BRWD1: variants seen among roughly 807,000 people sequenced by gnomAD.
BRWD1 encodes the protein bromodomain and WD repeat domain containing 1.
A neutral mutation model predicts 251.2 loss-of-function variants in BRWD1; 82 were observed. The ratio of observed to expected loss-of-function variants is 0.33; its 90% CI spans 0.27 to 0.39. BRWD1 has a LOEUF of 0.39. BRWD1 is among the 10% of genes least tolerant of loss of function. The pLI, the probability that BRWD1 is intolerant of heterozygous loss-of-function variation, is 1.00. For missense variants in BRWD1, 2,233 were observed against 2,711.6 expected (o/e 0.82, Z 3.92); for synonymous variants, 918 against 902.8 (o/e 1.02, Z -0.30).
In BRWD1 at chr21:39,229,210, A is replaced by T; in HGVS notation, c.3125+102T>A. 3 of 1,049,826 alleles carry T rather than the reference A, an allele frequency of 2.9e-6. 1 individual carries two copies. The highest frequency in any genetic ancestry group is 4.2e-6 in the Non-Finnish European group (3 of 714,902). The allele number at this position is 1,049,826 out of a possible 1,614,324, so 65.0% of individuals were successfully genotyped here. On this transcript the variant is annotated intron_variant, in intron 26 of 40. Coordinates refer to ENST00000342449, the MANE Select transcript of BRWD1 (RefSeq NM_033656.4). ...CATCTTAGGCTATCCACAGTGCTCT[A>T]CCAGTTACCCTGGAGTTAAATGGGA...
upstream of BRWD1, among the ~76,000 whole-genome samples, chr21:39,316,108 A>G (rs1166534712): frequency 6.6e-6 from 1 of 152,208 alleles, no homozygotes; most frequent in Non-Finnish European, 1.5e-5. Context: ...TTTCTATTTT[A>G]GGATGGATTT....
intron 4 of BRWD1, among the ~76,000 whole-genome samples, chr21:39,307,413 A>G (rs1390383781): frequency 2.0e-5 from 3 of 152,192 alleles, no homozygotes; most frequent in African/African-American, 7.2e-5. Flanking sequence ...CAGAATATGT[A>G]CTTGTATGAA....
chr21:39,253,421 A>G (rs543681067), intron 19 of BRWD1, among the ~76,000 whole-genome samples: 3 of 152,054 alleles, frequency 2.0e-5, no homozygotes, highest in East Asian at 3.9e-4. Flanking sequence ...CTTCCTTCGG[A>G]TAAGAAAATA....
upstream of BRWD1, chr21:39,314,418 G>A (rs1235438641): frequency 4.5e-6 from 2 of 440,894 alleles, no homozygotes; most frequent in Admixed American, 4.9e-5. Context: ...ATCCAAGCAT[G>A]GACAGGAAAA....
chr21:39,196,778 A>G lies in BRWD1; in HGVS notation c.6291T>C (p.Asn2097=), dbSNP rs1242086559. Residue 2097 remains asparagine, a synonymous_variant, in exon 41 of 41, where the codon AAT becomes AAC. Coordinates refer to ENST00000342449, the MANE Select transcript of BRWD1 (RefSeq NM_033656.4). Reference sequence around the variant, plus strand: ...TTCCATAGGTCCTGAGTCTTCTGCCATTCCACCTGCGCAGCCCATAATTCA... The same window carrying G: ...TTCCATAGGTCCTGAGTCTTCTGCCGTTCCACCTGCGCAGCCCATAATTCA... The part of the protein sequence containing the change: ...VELNYGLRRW[N]GRRLRTYGKA... The G allele has an allele frequency of 1.2e-6, 2 of 1,613,276 alleles. No individual in the cohort carries two copies. Among genetic ancestry groups the G allele is most frequent in the Non-Finnish European group, 1.7e-6 (2 of 1,179,888 alleles).
intron 11 of BRWD1, among the ~76,000 whole-genome samples, chr21:39,276,593 T>C (rs1188606345): frequency 6.6e-6 from 1 of 152,224 alleles, no homozygotes; most frequent in Non-Finnish European, 1.5e-5. Flanking sequence ...TTTAAGTTAT[T>C]TAAATCTGTA....
At position 39,296,247 on chromosome 21, in the gene BRWD1, A is replaced by G. The variant is rs762314735; in HGVS notation, c.448+18T>C. The stretch of plus-strand genomic sequence containing the variant: ...AAAAACAATTATTTCAGGCATCTCA[A>G]AGGCCAACCTTACTTACCAAGATTT... On this transcript the variant is annotated intron_variant, in intron 6 of 40. Transcript: ENST00000342449. The G allele has an allele frequency of 1.3e-6, 2 of 1,562,474 alleles. No homozygotes were observed. The highest frequency in any genetic ancestry group is 4.1e-5 in the Admixed American group (2 of 48,272).
intron 37 of BRWD1, 27 bp from the exon 38 acceptor site, chr21:39,202,572 C>A: frequency 6.7e-7 from 1 of 1,497,144 alleles, no homozygotes; most frequent in Non-Finnish European, 9.2e-7. Context: ...ACAAAGGAAA[C>A]AGTATTTAAC....
intron 4 of BRWD1, among the ~76,000 whole-genome samples, chr21:39,305,567 A>G (rs1001129365): frequency 2.6e-5 from 4 of 152,060 alleles, no homozygotes; most frequent in Non-Finnish European, 4.4e-5. Flanking sequence ...CATCTCTACT[A>G]AAAATACAAA....
intron 37 of BRWD1, among the ~76,000 whole-genome samples, chr21:39,203,934 T>C (rs62222991): frequency 1 from 87,399 of 87,400 alleles, 43,699 homozygotes; most frequent in Middle Eastern, 1. Flanking sequence ...GGTGGGTTAT[T>C]TGAGGTCAGG....
chr21:39,274,329 G>A (rs1163285991), intron 13 of BRWD1, 45 bp downstream of exon 13: 1 of 1,407,390 alleles, frequency 7.1e-7, no homozygotes. Flanking sequence ...GAGAGAGACA[G>A]ATCGAACACC....
At position 39,217,043 on chromosome 21, in the gene BRWD1, ATATATATT is replaced by A. The variant is rs2032951112; in HGVS notation, c.3659+1101_3659+1108del. 2.1e-3 allele frequency: 36 copies of A among 17,436 alleles called. 1 individual carries two copies. Among genetic ancestry groups the A allele is most frequent in the Admixed American group, 4.2e-3 (5 of 1,180 alleles). 1.1% of individuals were successfully genotyped at this position (17,436 alleles called of 1,614,324 possible). ...TATATATATATATATATAAATATAT[ATATATATT>A]TATATATATATATATATATATATAT... is the stretch of plus-strand genomic sequence containing the variant. On this transcript the variant is annotated intron_variant, in intron 31 of 40. Coordinates refer to ENST00000342449, the MANE Select transcript of BRWD1 (RefSeq NM_033656.4).
chr21:39,319,489 T>C lies in BRWD1; in HGVS notation n.534+1537A>G, dbSNP rs144954447. On this transcript the variant is annotated intron_variant and non_coding_transcript_variant, in intron 1 of 4. Transcript: ENST00000470108. The stretch of plus-strand genomic sequence containing the variant: ...GGGAGCTGGGATCAGAATGTGTCTG[T>C]GTTTGGATGTCGGAGTTGGGCAACC... 2.3e-3 allele frequency among the ~76,000 whole-genome samples: 345 copies of C among 152,368 alleles called. 1 individual carries two copies. The highest frequency in any genetic ancestry group is 4.3e-3 in the Non-Finnish European group (292 of 68,038).
intron 14 of BRWD1, 55 bp downstream of exon 14, chr21:39,270,228 T>A: frequency 6.9e-7 from 1 of 1,453,686 alleles, no homozygotes; most frequent in Non-Finnish European, 9.2e-7. Context: ...AGCTTCAAAA[T>A]TACAATCATA....
chr21:39,312,758 G>T, intron 4 of BRWD1, 83 bp downstream of exon 4: 1 of 1,186,382 alleles, frequency 8.4e-7, no homozygotes, highest in Non-Finnish European at 1.2e-6. Flanking sequence ...GCACCCCACG[G>T]GCCGGGGTCC....
intron 13 of BRWD1, among the ~76,000 whole-genome samples, chr21:39,271,335 T>C (rs192116414): frequency 1.2e-3 from 187 of 151,334 alleles, no homozygotes; most frequent in African/African-American, 4.2e-3. Flanking sequence ...TGCATTACAG[T>C]AGTCAACAGT....
rs370519269 is a variant in BRWD1 at position 39,236,743 on chromosome 21, C to G, written c.2618G>C (p.Gly873Ala). ...SRYSDWTADA[G>A]INLQPPLRTS... ...TCTTAAAGGAGGCTGCAAATTGATGCCCGCATCAGCTGTCCAATCGGAATA... is the reference window on the plus strand; with the variant it reads ...TCTTAAAGGAGGCTGCAAATTGATGGCCGCATCAGCTGTCCAATCGGAATA... Residue 873 changes from glycine (G) to alanine (A), a missense_variant, in exon 23 of 41, where the codon GGC (glycine) becomes GCC (alanine). By Grantham distance (60) the Gly-to-Ala change is moderately conservative (BLOSUM62 0). Coordinates refer to ENST00000342449, the MANE Select transcript of BRWD1 (RefSeq NM_033656.4). 97 of 1,613,840 alleles carry G rather than the reference C, an allele frequency of 6.0e-5. No individual in the cohort carries two copies. The highest frequency in any genetic ancestry group is 7.0e-5 in the Non-Finnish European group (83 of 1,180,000).
upstream of BRWD1, chr21:39,317,325 A>G (rs1465362729): frequency 4.6e-5 from 7 of 152,260 alleles, no homozygotes; most frequent in South Asian, 8.3e-4. Flanking sequence ...AGAAAGCTAC[A>G]TGGTAAGCAA....
chr21:39,304,200 T>C (rs1175959650), intron 4 of BRWD1, among the ~76,000 whole-genome samples: 2 of 151,036 alleles, frequency 1.3e-5, no homozygotes, highest in Admixed American at 6.6e-5. Context: ...TTTACCTTTT[T>C]GAAATCCTGC....
Sources: allele counts gnomAD v4.1 joint callset (sites outside exome capture counted in the v4.1 genomes callset), GRCh38; gene constraint gnomAD v4.1.1; transcripts MANE v1.5; gene names NCBI Gene and HGNC (gene_info 2026-07-23, HGNC 2026-07-21).